LRRC4C: variants seen among roughly 807,000 people sequenced by gnomAD.
LRRC4C encodes leucine-rich repeat-containing protein 4C.
A neutral mutation model predicts 33.6 loss-of-function variants in LRRC4C; 5 were observed. The ratio of observed to expected loss-of-function variants is 0.15; its 90% CI spans 0.08 to 0.31. The LOEUF (loss-of-function observed/expected upper bound fraction) is 0.31, where lower values mean the gene tolerates loss of function less well. Among genes scored for constraint, LRRC4C ranks in the 10% least tolerant of loss-of-function variants. The pLI is 1.00. For synonymous variants in LRRC4C, 329 were observed against 302.0 expected (o/e 1.09, Z -0.93); for missense variants, 560 against 796.7 (o/e 0.70, Z 3.58).
chr11:40,267,496 C>T (rs574263963), intron 4 of LRRC4C, among the ~76,000 whole-genome samples: 7 of 152,180 alleles, frequency 4.6e-5, no homozygotes, highest in African/African-American at 1.4e-4. Context: ...GGACTACAGG[C>T]GCCCGCCACC....
intron 3 of LRRC4C, among the ~76,000 whole-genome samples, chr11:40,553,378 G>A (rs2135458462): frequency 6.6e-6 from 1 of 152,228 alleles, no homozygotes. Flanking sequence ...ATATTCAAAT[G>A]TTATTTTATA....
At chr11:40,730,874 G>T (rs1218513586) in intron 2 of LRRC4C, among the ~76,000 whole-genome samples, 3 of 152,096 alleles carry the variant, frequency 2.0e-5, no homozygotes, top group Non-Finnish European at 4.4e-5. Context: ...TGATAGTTTG[G>T]ATCTGCGTCC....
In LRRC4C at chr11:40,628,843, G is replaced by C. The variant is rs535853115; in HGVS notation, c.-270+19299C>G. Among the ~76,000 whole-genome samples the C allele has an allele frequency of 2.0e-5, 3 of 152,250 alleles. No individual in the cohort carries two copies. In the East Asian group the frequency reaches 5.8e-4, roughly 29 times the overall value. On this transcript the variant is annotated intron_variant, in intron 3 of 6. Transcript: ENST00000528697. ...AAAGAATTTGAGATGTTTTCATCTA[G>C]TCTGATAGAATTGGAGCATTTAAGC...
rs144182551 is a variant in LRRC4C, at chr11:41,212,808, T to G, written c.-496+246623A>C. Among the ~76,000 whole-genome samples, 868 of 152,354 alleles carry G rather than the reference T, an allele frequency of 5.7e-3. 7 individuals are homozygous for G. The highest frequency in any genetic ancestry group is 0.034 in the South Asian group (162 of 4,826). The stretch of plus-strand genomic sequence containing the variant: ...GATCTCATTCCTTTTCATGGCTGCA[T>G]AGTATTCCATGGTGTATATATGTGC... On this transcript the variant is annotated intron_variant, in intron 1 of 6. Transcript: ENST00000528697.
chr11:40,898,760 C>T (rs189175158), intron 2 of LRRC4C, among the ~76,000 whole-genome samples: 1 of 148,302 alleles, frequency 6.7e-6, no homozygotes, highest in Non-Finnish European at 1.5e-5. Flanking sequence ...AAATTCCTTG[C>T]TTTATTTGAT....
At chr11:40,731,971 A>C (rs905953259) in intron 2 of LRRC4C, among the ~76,000 whole-genome samples, 1 of 152,032 alleles carries the variant, frequency 6.6e-6, no homozygotes, top group African/African-American at 2.4e-5. Context: ...TTTTTTGAAA[A>C]GTTCTTTAAA....
intron 1 of LRRC4C, among the ~76,000 whole-genome samples, chr11:41,408,691 G>A (rs778810315): frequency 2.7e-5 from 4 of 148,412 alleles, no homozygotes; most frequent in South Asian, 2.1e-4. Context: ...AATTTTACTC[G>A]CTGCTTTAGA....
intron 3 of LRRC4C, among the ~76,000 whole-genome samples, chr11:40,541,364 C>T (rs1286430597): frequency 6.6e-6 from 1 of 152,070 alleles, no homozygotes; most frequent in Non-Finnish European, 1.5e-5. Flanking sequence ...GCCTCAGCCT[C>T]CCAAAATGCT....
intron 2 of LRRC4C, among the ~76,000 whole-genome samples, chr11:40,910,955 C>T (rs2136267364): frequency 6.6e-6 from 1 of 152,316 alleles, no homozygotes; most frequent in East Asian, 1.9e-4. Flanking sequence ...ATTGCTAGCA[C>T]AGTAGTCTGA....
At chr11:40,631,014 C>A (rs1963439177) in intron 3 of LRRC4C, among the ~76,000 whole-genome samples, 1 of 152,084 alleles carries the variant, frequency 6.6e-6, no homozygotes, top group Non-Finnish European at 1.5e-5. Flanking sequence ...CATAAAAAAT[C>A]AAAGTTAGCC....
At chr11:41,172,899 G>T (rs986479080) in intron 1 of LRRC4C, among the ~76,000 whole-genome samples, 1 of 152,076 alleles carries the variant, frequency 6.6e-6, no homozygotes, top group Non-Finnish European at 1.5e-5. Context: ...AGGGGCCTTA[G>T]ATATTGTTTA....
At chr11:41,152,943 T>C (rs1944063931) in intron 1 of LRRC4C, among the ~76,000 whole-genome samples, 1 of 152,204 alleles carries the variant, frequency 6.6e-6, no homozygotes, top group South Asian at 2.1e-4. Context: ...TATAGTCTTA[T>C]ATGTAGAATT....
At chr11:40,289,082 T>C (rs1357634737) in intron 4 of LRRC4C, among the ~76,000 whole-genome samples, 4 of 152,208 alleles carry the variant, frequency 2.6e-5, no homozygotes, top group Non-Finnish European at 5.9e-5. Flanking sequence ...ACTTTATATC[T>C]AAAATAATAT....
intron 1 of LRRC4C, among the ~76,000 whole-genome samples, chr11:40,942,298 T>C (rs761945333): frequency 2.0e-5 from 3 of 152,188 alleles, no homozygotes; most frequent in Non-Finnish European, 2.9e-5. Context: ...GAGCAGCTTC[T>C]AGGACTATCA....
chr11:40,832,166 T>G (rs374058330), intron 2 of LRRC4C, among the ~76,000 whole-genome samples: 1 of 152,076 alleles, frequency 6.6e-6, no homozygotes, highest in African/African-American at 2.4e-5. Context: ...GTTACTCTAC[T>G]GCATAGTGTA....
chr11:40,429,144 G>A (rs982252855), intron 3 of LRRC4C, among the ~76,000 whole-genome samples: 10 of 152,128 alleles, frequency 6.6e-5, no homozygotes, highest in Non-Finnish European at 1.2e-4. Context: ...TAAGTTTCAG[G>A]CATTGTGCAA....
chr11:40,910,743 C>A (rs530615942), intron 2 of LRRC4C, among the ~76,000 whole-genome samples: 3 of 152,156 alleles, frequency 2.0e-5, no homozygotes, highest in African/African-American at 7.2e-5. Flanking sequence ...CGGAGCAAGG[C>A]GAGGCATCAC....
chr11:41,439,121 T>C (rs560412122), intron 1 of LRRC4C, among the ~76,000 whole-genome samples: 9 of 152,274 alleles, frequency 5.9e-5, no homozygotes, highest in Non-Finnish European at 8.8e-5. Context: ...GAGTATCCAT[T>C]GTTTAGCTCC....
chr11:41,094,429 C>A (rs1180811861), intron 1 of LRRC4C, among the ~76,000 whole-genome samples: 4 of 151,864 alleles, frequency 2.6e-5, no homozygotes, highest in African/African-American at 9.7e-5. Flanking sequence ...GAGGCTGAGG[C>A]AGGAGAATGG....
Sources: allele counts gnomAD v4.1 joint callset (sites outside exome capture counted in the v4.1 genomes callset), GRCh38; gene constraint gnomAD v4.1.1; transcripts MANE v1.5; gene names NCBI Gene and HGNC (gene_info 2026-07-23, HGNC 2026-07-21).